The following OR10R2 variants were observed in gnomAD, a reference collection of about 807,000 sequenced individuals.
OR10R2 encodes olfactory receptor 10R2.
A neutral mutation model predicts 2.4 loss-of-function variants in OR10R2; 1 was observed. That is an observed-to-expected ratio of 0.41 (90% CI 0.15 to 1.95). The LOEUF is 1.95. OR10R2 is among the 30% of genes most tolerant of loss of function. The pLI is 0.30. For synonymous variants in OR10R2, 166 were observed against 144.8 expected, an observed-to-expected ratio of 1.15 and a Z score of -1.05; for missense variants, 419 against 373.0, an observed-to-expected ratio of 1.12 and a Z score of -1.01.
chr1:158,476,409 G>A (rs6662673), intron 1 of OR10R2, among the ~76,000 whole-genome samples: 3 of 151,628 alleles, frequency 2.0e-5, no homozygotes, highest in African/African-American at 7.3e-5. Context: ...TTAGCTGGGC[G>A]TGGTGGCAGG....
chr1:158,480,041 A>G (rs1656350337), exon 2 of OR10R2: 1 of 1,613,610 alleles, frequency 6.2e-7, no homozygotes, highest in African/African-American at 1.3e-5. Flanking sequence ...CTTTTTCTGT[A>G]TCTAGTCATT....
At chr1:158,473,242 G>A (rs1437497721) in intron 1 of OR10R2, among the ~76,000 whole-genome samples, 2 of 152,176 alleles carry the variant, frequency 1.3e-5, no homozygotes, top group Admixed American at 1.3e-4. Context: ...TGTGGTTAGA[G>A]AGATGTATAT....
At chr1:158,480,750 C>T (rs1197576903) in exon 2 of OR10R2, 5 of 1,613,592 alleles carry the variant, frequency 3.1e-6, no homozygotes. Context: ...CCAACAAAGA[C>T]AGGCTGGTGA....
At chr1:158,479,834 G>T in intron 1 of OR10R2, 104 bp from the exon 2 acceptor site, 1 of 1,225,676 alleles carries the variant, frequency 8.2e-7, no homozygotes, top group Non-Finnish European at 1.2e-6. Context: ...TGAATAAAAG[G>T]CAAGATTCTT....
chr1:158,480,857 A>G (rs547325346), exon 2 of OR10R2: 3 of 1,532,178 alleles, frequency 2.0e-6, no homozygotes, highest in African/African-American at 2.8e-5. Flanking sequence ...GTGTTGGGCA[A>G]GAAAGGTTCT....
rs139828408 is a variant in OR10R2, at chr1:158,479,993, G to A, written c.83G>A (p.Ser28Asn). 5.0e-6 allele frequency: 8 copies of A among 1,613,962 alleles called. No individual in the cohort carries two copies. In the East Asian group the frequency reaches 1.3e-4, roughly 27 times the overall value. The change falls in exon 2 of 2, where the codon AGC (serine) becomes AAC (asparagine). Residue 28 changes from serine (S) to asparagine (N), a missense_variant. Coordinates refer to ENST00000641067, the Ensembl canonical transcript of OR10R2. ...GAATTCCTGTTGCTGGGTTTTTCCA[G>A]CCTTGGTGAAATTCAGCTGGCCCTC...
At chr1:158,479,994 C>T (rs1656349374) in exon 2 of OR10R2, 1 of 1,613,910 alleles carries the variant, frequency 6.2e-7, no homozygotes, top group African/African-American at 1.3e-5. Context: ...GTTTTTCCAG[C>T]CTTGGTGAAA....
intron 1 of OR10R2, among the ~76,000 whole-genome samples, chr1:158,472,749 A>C (rs981805937): frequency 6.6e-6 from 1 of 152,232 alleles, no homozygotes; most frequent in Non-Finnish European, 1.5e-5. Flanking sequence ...TAGGAAAAGT[A>C]GCTGGATGGG....
At chr1:158,477,069 TAAAC>T (rs148726837) in intron 1 of OR10R2, among the ~76,000 whole-genome samples, 3,908 of 152,242 alleles carry the variant, frequency 0.026, 83 homozygotes, top group African/African-American at 0.056. Context: ...ATTCATGACA[TAAAC>T]AATTAGAAAT....
At chr1:158,480,320 A>C in exon 2 of OR10R2, 1 of 1,613,796 alleles carries the variant, frequency 6.2e-7, no homozygotes, top group Non-Finnish European at 8.5e-7. Context: ...GCCATTTGTC[A>C]CCCTCTGCAT....
chr1:158,480,728 C>A (rs1656385771), exon 2 of OR10R2: 3 of 1,612,352 alleles, frequency 1.9e-6, no homozygotes, highest in African/African-American at 1.3e-5. Flanking sequence ...AGGCCTACAG[C>A]AAACTATGTG....
At chr1:158,474,045 T>C (rs1656223968) in intron 1 of OR10R2, among the ~76,000 whole-genome samples, 1 of 151,822 alleles carries the variant, frequency 6.6e-6, no homozygotes, top group Admixed American at 6.6e-5. Flanking sequence ...TTTCTTTCTT[T>C]CTAAGAAAAT....
At chr1:158,474,837 G>T (rs1330834979) in intron 1 of OR10R2, among the ~76,000 whole-genome samples, 1 of 151,984 alleles carries the variant, frequency 6.6e-6, no homozygotes, top group Admixed American at 6.6e-5. Context: ...AACTGCTGGG[G>T]TTGAAACCTA....
intron 1 of OR10R2, among the ~76,000 whole-genome samples, chr1:158,476,990 T>C (rs1228940358): frequency 6.6e-6 from 1 of 152,208 alleles, no homozygotes; most frequent in Admixed American, 6.5e-5. Context: ...CTTTGTCTGA[T>C]GCATAGTTTG....
At chr1:158,474,747 C>T (rs529844850) in intron 1 of OR10R2, 1 of 152,226 alleles carries the variant, frequency 6.6e-6, no homozygotes, top group South Asian at 2.1e-4. Flanking sequence ...AAAATATTTG[C>T]TTTAAATAAG....
At chr1:158,480,928 T>TA in exon 2 of OR10R2, 1 of 897,506 alleles carries the variant, frequency 1.1e-6, no homozygotes, top group Non-Finnish European at 1.7e-6. Context: ...AATGCCTTTT[T>TA]ATCACAAGCA....
At chr1:158,479,651 TAG>T (rs1228215270) in intron 1 of OR10R2, among the ~76,000 whole-genome samples, 1 of 152,096 alleles carries the variant, frequency 6.6e-6, no homozygotes, top group Non-Finnish European at 1.5e-5. Context: ...GACAATAAAA[TAG>T]AGATATTATC....
chr1:158,475,160 T>C (rs1267925859), intron 1 of OR10R2, among the ~76,000 whole-genome samples: 3 of 152,178 alleles, frequency 2.0e-5, no homozygotes, highest in Non-Finnish European at 4.4e-5. Flanking sequence ...TACCTTCCTC[T>C]AGATTCCATA....
exon 2 of OR10R2, chr1:158,480,491 T>G (rs754184160): frequency 6.2e-7 from 1 of 1,613,578 alleles, no homozygotes; most frequent in South Asian, 1.1e-5. Flanking sequence ...TCAGCAGTCA[T>G]TCTTCTGGCT....
Sources: gnomAD v4.1 joint callset for allele counts (sites outside exome capture counted in the v4.1 genomes callset) on GRCh38, gnomAD v4.1.1 for gene constraint, MANE v1.5 for transcripts, NCBI Gene and HGNC (gene_info 2026-07-23, HGNC 2026-07-21) for gene names.